The following ODF2L variants were observed in gnomAD, a reference collection of about 807,000 sequenced individuals.
ODF2L encodes the protein protein BCAP.
ODF2L carries 76 observed loss-of-function variants against 86.3 expected under a neutral mutation model. That is an observed-to-expected ratio of 0.88 (90% CI 0.73 to 1.07). The LOEUF is 1.07. Among genes scored for constraint, ODF2L ranks in the 50% least tolerant of loss-of-function variants. ODF2L has a pLI of 0.00. For synonymous variants in ODF2L, 241 were observed against 231.3 expected (o/e 1.04, Z -0.38); for missense variants, 748 against 717.4 (o/e 1.04, Z -0.49).
In ODF2L at chr1:86,380,629, T is replaced by C. The variant is rs146720210; in HGVS notation, c.624+1613A>G. 4.7e-3 allele frequency among the ~76,000 whole-genome samples: 711 copies of C among 152,276 alleles called. 8 individuals carry two copies. The highest frequency in any genetic ancestry group is 0.016 in the African/African-American group (661 of 41,564). ...GGAGTATACTGAAATGACAAATTAT[T>C]TTTATAATTTAAAAATAACCTCTCA... On this transcript the variant is annotated intron_variant, in intron 7 of 17. Coordinates refer to ENST00000317336, the Ensembl canonical transcript of ODF2L.
At chr1:86,374,691 C>T (rs1660048267) in intron 8 of ODF2L, among the ~76,000 whole-genome samples, 1 of 152,172 alleles carries the variant, frequency 6.6e-6, no homozygotes, top group Non-Finnish European at 1.5e-5. Flanking sequence ...TTCACCTTTC[C>T]TTCCACTGCA....
chr1:86,358,119 C>A (rs1016361062), intron 13 of ODF2L: 2 of 983,592 alleles, frequency 2.0e-6, no homozygotes, highest in African/African-American at 1.7e-5. Context: ...AGATAGGGAG[C>A]AACCCAGAGA....
chr1:86,379,023 A>C (rs1660384525), intron 7 of ODF2L, among the ~76,000 whole-genome samples: 2 of 151,820 alleles, frequency 1.3e-5, no homozygotes, highest in Non-Finnish European at 2.9e-5. Flanking sequence ...TTGCGAAATC[A>C]GGTTGTTTAA....
chr1:86,365,986 T>C lies in ODF2L; in HGVS notation c.1143+2650A>G, dbSNP rs531129282. Among the ~76,000 whole-genome samples the C allele has an allele frequency of 3.3e-5, 5 of 152,228 alleles. No homozygotes were observed. In the South Asian group the frequency reaches 1.0e-3, roughly 32 times the overall value. On this transcript the variant is annotated intron_variant, in intron 11 of 17. Transcript: ENST00000317336. ...CTCTAAAGAAATTGAATGAACTGTT[T>C]GGGAATAACAGAGGGACGGTGCTGG...
downstream of ODF2L, chr1:86,348,995 A>T: frequency 9.1e-7 from 1 of 1,104,594 alleles, no homozygotes; most frequent in East Asian, 3.4e-5. Flanking sequence ...TGATTTTTTA[A>T]AATAATACTC....
intron 12 of ODF2L, 79 bp downstream of exon 11, chr1:86,360,347 A>G (rs2100843514): frequency 1.5e-6 from 1 of 670,548 alleles, no homozygotes; most frequent in Non-Finnish European, 2.6e-6. Flanking sequence ...CTTCAGTTCT[A>G]TTTATTTAGA....
intron 11 of ODF2L, among the ~76,000 whole-genome samples, chr1:86,366,093 T>G (rs1351402284): frequency 6.6e-6 from 1 of 152,140 alleles, no homozygotes; most frequent in Non-Finnish European, 1.5e-5. Context: ...TTGAGAAAAG[T>G]GAAGTGAAAC....
chr1:86,360,794 G>T (rs2100851241), intron 11 of ODF2L: 1 of 223,204 alleles, frequency 4.5e-6, no homozygotes, highest in East Asian at 9.5e-5. Context: ...TTGGAAATGT[G>T]CCTAGATATG....
chr1:86,365,337 G>T (rs1433612991), intron 11 of ODF2L, among the ~76,000 whole-genome samples: 6 of 152,176 alleles, frequency 3.9e-5, no homozygotes, highest in Non-Finnish European at 7.3e-5. Flanking sequence ...CTAAATGACT[G>T]ATGTATTCTA....
At chr1:86,376,253 T>C (rs747074037) in exon 8 of ODF2L, 3 of 1,609,532 alleles carry the variant, frequency 1.9e-6, no homozygotes, top group East Asian at 4.5e-5. Context: ...ATTTGGGAAG[T>C]AAGCTTTTCA....
chr1:86,381,124 AC>A (rs1389349313), intron 7 of ODF2L, among the ~76,000 whole-genome samples: 1 of 152,132 alleles, frequency 6.6e-6, no homozygotes, highest in Non-Finnish European at 1.5e-5. Flanking sequence ...TCATTTCTTA[AC>A]AGTAGCATTT....
intron 10 of ODF2L, among the ~76,000 whole-genome samples, chr1:86,368,976 CAG>C (rs1659627508): frequency 6.6e-6 from 1 of 151,978 alleles, no homozygotes; most frequent in Non-Finnish European, 1.5e-5. Flanking sequence ...TACGAAAAAA[CAG>C]AAATATTACA....
chr1:86,384,643 T>C (rs560679357), intron 4 of ODF2L, 33 bp downstream of exon 4: 8 of 1,293,234 alleles, frequency 6.2e-6, no homozygotes, highest in Admixed American at 6.0e-5. Context: ...GAAATATCAC[T>C]ATTAAAATGA....
At chr1:86,384,801 C>A in exon 4 of ODF2L, 1 of 1,491,518 alleles carries the variant, frequency 6.7e-7, no homozygotes, top group South Asian at 1.4e-5. Flanking sequence ...GAAAGATTCG[C>A]CTGACAAATT....
chr1:86,376,209 T>C (rs1057337837), intron 8 of ODF2L, 24 bp downstream of exon 8: 1 of 1,380,400 alleles, frequency 7.2e-7, no homozygotes, highest in Non-Finnish European at 1.0e-6. Flanking sequence ...ATCTTTTAAT[T>C]TTAAAAAGAA....
chr1:86,360,787 G>T (rs1195097671), intron 11 of ODF2L: 2 of 233,964 alleles, frequency 8.5e-6, no homozygotes, highest in Non-Finnish European at 1.6e-5. Context: ...AAAAAACTTG[G>T]AAATGTGCCT....
In ODF2L at chr1:86,356,571, TC is replaced by T; in HGVS notation, c.1390del (p.Glu464SerfsTer2). 6.2e-7 allele frequency: 1 copy of T among 1,613,918 alleles called. No homozygotes were observed. Among genetic ancestry groups the T allele is most frequent in the Non-Finnish European group, 8.5e-7 (1 of 1,179,940 alleles). On this transcript the variant is annotated frameshift_variant, in exon 14 of 18. Coordinates refer to ENST00000317336, the Ensembl canonical transcript of ODF2L. LOFTEE classifies it high-confidence loss of function. Reference sequence around the variant, plus strand: ...CAAGGAATCGCAGACACGCTCTAACTCCTTCAGATGAGACTCCATCTGGCCT... The same window carrying T: ...CAAGGAATCGCAGACACGCTCTAACTCTTCAGATGAGACTCCATCTGGCCT...
chr1:86,353,644 G>A (rs990133494), intron 16 of ODF2L, among the ~76,000 whole-genome samples: 1 of 152,164 alleles, frequency 6.6e-6, no homozygotes, highest in East Asian at 1.9e-4. Context: ...CAGGAACAAG[G>A]AGCTAGTGGA....
At chr1:86,392,317 G>A (rs1003424368) in intron 1 of ODF2L, among the ~76,000 whole-genome samples, 10 of 152,058 alleles carry the variant, frequency 6.6e-5, no homozygotes, top group African/African-American at 1.9e-4. Context: ...ATTTGATCCA[G>A]CAATCCCACT....
Sources: gnomAD v4.1 joint callset for allele counts (sites outside exome capture counted in the v4.1 genomes callset) on GRCh38, gnomAD v4.1.1 for gene constraint, MANE v1.5 for transcripts, NCBI Gene and HGNC (gene_info 2026-07-23, HGNC 2026-07-21) for gene names.